LRP1B: variants seen among roughly 807,000 people sequenced by gnomAD.
LRP1B encodes low-density lipoprotein receptor-related protein 1B.
Under a neutral mutation model 556.6 loss-of-function variants are expected in LRP1B, and 217 were observed. That is an observed-to-expected ratio of 0.39 (90% CI 0.35 to 0.44). The LOEUF is 0.44. Among genes scored for constraint, LRP1B ranks in the 20% least tolerant of loss-of-function variants. The pLI is 1.00. For missense variants in LRP1B, 5,053 were observed against 5,620.8 expected (o/e 0.90, Z 3.23); for synonymous variants, 2,047 against 1,865.8 (o/e 1.10, Z -2.50).
intron 25 of LRP1B, among the ~76,000 whole-genome samples, chr2:140,882,796 G>C (rs554474059): frequency 3.9e-5 from 6 of 152,112 alleles, no homozygotes; most frequent in Non-Finnish European, 8.8e-5. Context: ...CTCTTATCTC[G>C]TTGAACTCCC....
intron 2 of LRP1B, among the ~76,000 whole-genome samples, chr2:141,608,258 A>T (rs1035924458): frequency 1.3e-5 from 2 of 152,228 alleles, no homozygotes; most frequent in African/African-American, 2.4e-5. Flanking sequence ...TTTGTTTAAT[A>T]AAATTCAATG....
At chr2:141,716,704 G>T (rs1692607644) in intron 2 of LRP1B, among the ~76,000 whole-genome samples, 1 of 152,094 alleles carries the variant, frequency 6.6e-6, no homozygotes, top group Non-Finnish European at 1.5e-5. Context: ...AGCTTTGGCG[G>T]CCTGCAATCT....
At chr2:140,839,826 T>C (rs1156302518) in intron 31 of LRP1B, among the ~76,000 whole-genome samples, 165 bp downstream of exon 31, 1 of 152,196 alleles carries the variant, frequency 6.6e-6, no homozygotes, top group Non-Finnish European at 1.5e-5. Context: ...CCTTGACTAA[T>C]AAACCTAACA....
intron 43 of LRP1B, among the ~76,000 whole-genome samples, chr2:140,595,940 T>C (rs1368663067): frequency 6.6e-6 from 1 of 152,146 alleles, no homozygotes; most frequent in African/African-American, 2.4e-5. Context: ...TACTAATAAT[T>C]ACAGAATATG....
chr2:142,041,591 CAAAG>C (rs1466317638), intron 1 of LRP1B, among the ~76,000 whole-genome samples: 1 of 151,344 alleles, frequency 6.6e-6, no homozygotes, highest in African/African-American at 2.4e-5. Context: ...CTTTGAAACT[CAAAG>C]AAGTTATTTT....
At chr2:140,781,855 A>G (rs554097581) in intron 32 of LRP1B, among the ~76,000 whole-genome samples, 1 of 152,294 alleles carries the variant, frequency 6.6e-6, no homozygotes, top group South Asian at 2.1e-4. Flanking sequence ...ATAGAATGAC[A>G]TGATTTTGTA....
chr2:140,501,729 A>G lies in LRP1B; in HGVS notation c.8808T>C (p.Ser2936=). 1 of 1,612,610 alleles carries G rather than the reference A, an allele frequency of 6.2e-7. No individual in the cohort carries two copies. Among genetic ancestry groups the G allele is most frequent in the Non-Finnish European group, 8.5e-7 (1 of 1,179,082 alleles). ...HINECLSKKV[S]GCSQDCQDLP... is the part of the protein sequence containing the mutation. ...GGTCTTGACAGTCTTGAGAACATCC[A>G]CTGACTTTCTTACTCAAACATTCAT... Residue 2936 remains serine (S), a synonymous_variant, in exon 55 of 91, where the codon AGT becomes AGC. Coordinates refer to ENST00000389484, the MANE Select transcript of LRP1B (RefSeq NM_018557.3).
intron 1 of LRP1B, among the ~76,000 whole-genome samples, chr2:142,090,407 G>T (rs10928135): frequency 6.6e-6 from 1 of 152,072 alleles, no homozygotes; most frequent in Non-Finnish European, 1.5e-5. Context: ...CATCTCAACC[G>T]CAATACTCTC....
At chr2:140,397,470 A>G (rs554897074) in intron 66 of LRP1B, among the ~76,000 whole-genome samples, 1 of 152,322 alleles carries the variant, frequency 6.6e-6, no homozygotes, top group Non-Finnish European at 1.5e-5. Flanking sequence ...TTACATAAGT[A>G]ACATATACTT....
intron 2 of LRP1B, among the ~76,000 whole-genome samples, chr2:141,785,414 C>A (rs547346974): frequency 6.6e-6 from 1 of 151,760 alleles, no homozygotes; most frequent in Non-Finnish European, 1.5e-5. Flanking sequence ...AGCAAGAAGC[C>A]GAACTTAACA....
intron 35 of LRP1B, among the ~76,000 whole-genome samples, chr2:140,733,125 A>G (rs1284539121): frequency 3.9e-5 from 6 of 152,158 alleles, no homozygotes; most frequent in Non-Finnish European, 8.8e-5. Flanking sequence ...AGGAGTCTAC[A>G]AAAGGAAACT....
rs150086064 is a variant in LRP1B, at chr2:140,753,673, C to A, written c.5758+15540G>T. On this transcript the variant is annotated intron_variant, in intron 35 of 90. Transcript: ENST00000389484. ...GAACAATAAGAGTCTGTGGCACTTGCACTAAATACTATTACTGCTTCCTCC... is the reference window on the plus strand; with the variant it reads ...GAACAATAAGAGTCTGTGGCACTTGAACTAAATACTATTACTGCTTCCTCC... Among the ~76,000 whole-genome samples the A allele has an allele frequency of 2.1e-3, 320 of 152,238 alleles. 1 individual carries two copies. The highest frequency in any genetic ancestry group is 6.7e-3 in the African/African-American group (279 of 41,552).
chr2:141,625,519 T>G (rs1282473628), intron 2 of LRP1B, among the ~76,000 whole-genome samples: 1 of 152,222 alleles, frequency 6.6e-6, no homozygotes, highest in Non-Finnish European at 1.5e-5. Flanking sequence ...TGCCCACTTA[T>G]TTTAACCTTT....
chr2:140,957,925 A>C (rs1695921136), intron 18 of LRP1B, among the ~76,000 whole-genome samples: 1 of 151,566 alleles, frequency 6.6e-6, no homozygotes, highest in Non-Finnish European at 1.5e-5. Flanking sequence ...AGGGGAAAAA[A>C]GTCCCCTTGA....
At chr2:141,846,967 C>G (rs1697675020) in intron 1 of LRP1B, among the ~76,000 whole-genome samples, 1 of 151,350 alleles carries the variant, frequency 6.6e-6, no homozygotes. Context: ...CTATGCTACT[C>G]AAGAGTTCTC....
At chr2:140,589,851 T>C (rs6709155) in intron 43 of LRP1B, among the ~76,000 whole-genome samples, 32,203 of 151,294 alleles carry the variant, frequency 0.21, 3,552 homozygotes, top group East Asian at 0.3. Flanking sequence ...AAGAAAGGAG[T>C]GGGAAAGAAG....
chr2:140,482,890 G>T (rs996955471), intron 59 of LRP1B, among the ~76,000 whole-genome samples: 2 of 152,086 alleles, frequency 1.3e-5, no homozygotes, highest in Non-Finnish European at 2.9e-5. Context: ...TATGCAAGTC[G>T]CAGTGGCAAT....
chr2:141,471,826 G>C (rs1233374332), intron 3 of LRP1B, among the ~76,000 whole-genome samples: 3 of 152,036 alleles, frequency 2.0e-5, no homozygotes, highest in Non-Finnish European at 4.4e-5. Flanking sequence ...TATTTCTATT[G>C]GCACATTTTA....
chr2:140,332,710 C>T (rs191504476), intron 79 of LRP1B, among the ~76,000 whole-genome samples: 37 of 152,120 alleles, frequency 2.4e-4, no homozygotes, highest in African/African-American at 8.9e-4. Context: ...CGACCTGAAA[C>T]ACAGTTTACT....
Sources: allele counts gnomAD v4.1 joint callset (sites outside exome capture counted in the v4.1 genomes callset), GRCh38; gene constraint gnomAD v4.1.1; transcripts MANE v1.5; gene names NCBI Gene and HGNC (gene_info 2026-07-23, HGNC 2026-07-21).